PRDM16: variants seen among roughly 807,000 people sequenced by gnomAD.
PRDM16 encodes the protein PR/SET domain 16.
Under a neutral mutation model 110.6 loss-of-function variants are expected in PRDM16, and 23 were observed. That is an observed-to-expected ratio of 0.21 (90% CI 0.15 to 0.29). PRDM16 has a LOEUF of 0.29. Ranked by LOEUF, PRDM16 falls within the 10% of genes least tolerant of loss-of-function variation. The pLI is 1.00. For missense variants in PRDM16, 1,615 were observed against 1,794.3 expected, an observed-to-expected ratio of 0.90 and a Z score of 1.81; for synonymous variants, 799 against 781.8, an observed-to-expected ratio of 1.02 and a Z score of -0.37.
At chr1:3,191,248 CT>C (rs1260978015) in intron 2 of PRDM16, among the ~76,000 whole-genome samples, 4 of 152,240 alleles carry the variant, frequency 2.6e-5, no homozygotes, top group African/African-American at 7.2e-5. Context: ...GACCTCACCC[CT>C]GGCGTTATTT....
intron 3 of PRDM16, among the ~76,000 whole-genome samples, chr1:3,264,059 A>G (rs1234215376): frequency 1.3e-5 from 2 of 152,204 alleles, no homozygotes; most frequent in African/African-American, 2.4e-5. Context: ...CTTAGGGAGC[A>G]TAGGTTTCCA....
In PRDM16 at chr1:3,412,396, C is replaced by G; in HGVS notation, c.2199C>G (p.Phe733Leu). 2 of 1,613,314 alleles carry G rather than the reference C, an allele frequency of 1.2e-6. No individual in the cohort carries two copies. Among genetic ancestry groups the G allele is most frequent in the South Asian group, 2.2e-5 (2 of 91,086 alleles). ...TCCCCTTCCAGTTCCTGCCCAACTT[C>G]CCCCACTCCCTTTACCCCTTCACGG... ...SAFPFQFLPN[F>L]PHSLYPFTDR... Residue 733 changes from phenylalanine (F) to leucine (L), a missense_variant, in exon 9 of 17, where the codon TTC becomes TTG. Transcript: ENST00000270722.
At chr1:3,288,980 G>A (rs941246138) in intron 3 of PRDM16, among the ~76,000 whole-genome samples, 16 of 152,166 alleles carry the variant, frequency 1.1e-4, no homozygotes, top group African/African-American at 2.2e-4. Flanking sequence ...CCATCCTTGC[G>A]TGCTCACCAC....
chr1:3,141,830 TG>T (rs1181711746), intron 1 of PRDM16, among the ~76,000 whole-genome samples: 1 of 152,142 alleles, frequency 6.6e-6, no homozygotes, highest in Non-Finnish European at 1.5e-5. Flanking sequence ...TCAGTTGGGG[TG>T]GGGGCGGCCT....
rs201359782 is a variant in PRDM16 at position 3,092,120 on chromosome 1, A to ATGG, written c.37+22826_37+22827insGTG. 3.2e-3 allele frequency among the ~76,000 whole-genome samples: 337 copies of ATGG among 105,376 alleles called. 2 individuals are homozygous for ATGG. The highest frequency in any genetic ancestry group is 0.019 in the South Asian group (60 of 3,174). 69.1% of individuals were successfully genotyped at this position (105,376 alleles called of 152,430 possible). On this transcript the variant is annotated intron_variant, in intron 1 of 16. Transcript: ENST00000270722. Reference sequence around the variant, plus strand: ...GGCCCCCATGTCACGGCACTGCTGCATGCTTGGTGTTACCTGCTTGTAGAC... The same window carrying ATGG: ...GGCCCCCATGTCACGGCACTGCTGCATGGTGCTTGGTGTTACCTGCTTGTAGAC...
rs114521777 is a variant in PRDM16, at chr1:3,157,479, A to T, written c.38-28646A>T. Among the ~76,000 whole-genome samples the T allele has an allele frequency of 8.5e-3, 1,281 of 151,024 alleles. 9 individuals are homozygous for T. Among genetic ancestry groups the T allele is most frequent in the Non-Finnish European group, 0.015 (1,043 of 67,892 alleles). ...GGGCTGGGGGTTGATTGTCTCTTGA[A>T]AACAGACATGGGCCAGATCCAGTTG... On this transcript the variant is annotated intron_variant, in intron 1 of 16. Coordinates refer to ENST00000270722, the MANE Select transcript of PRDM16 (RefSeq NM_022114.4). This position sits in a 1 kb window ranked among gnomAD's most constrained non-coding sequence, Gnocchi z 4.8.
intron 1 of PRDM16, among the ~76,000 whole-genome samples, chr1:3,129,175 C>G (rs1486231923): frequency 9.3e-6 from 1 of 107,232 alleles, no homozygotes; most frequent in African/African-American, 5.5e-5. Flanking sequence ...GGTGTGGATC[C>G]TGCCTAGTGT....
intron 1 of PRDM16, among the ~76,000 whole-genome samples, chr1:3,132,120 G>T (rs1643347210): frequency 6.6e-6 from 1 of 152,150 alleles, no homozygotes; most frequent in Non-Finnish European, 1.5e-5. Flanking sequence ...CTTTTTAAAG[G>T]TTTAGACGTA....
intron 1 of PRDM16, among the ~76,000 whole-genome samples, chr1:3,183,270 C>A (rs1048878815): frequency 6.6e-6 from 1 of 152,188 alleles, no homozygotes; most frequent in Admixed American, 6.5e-5. Flanking sequence ...CTGACCCTCT[C>A]GGGGGCATCC....
At chr1:3,403,036 TA>T (rs752548722) in intron 6 of PRDM16, 38 bp downstream of exon 6, 2 of 1,184,918 alleles carry the variant, frequency 1.7e-6, no homozygotes, top group South Asian at 1.6e-5. Flanking sequence ...CCCCTTCCCG[TA>T]CCCTCCTCTG....
chr1:3,207,529 C>T (rs1638781321), intron 2 of PRDM16: 1 of 152,258 alleles, frequency 6.6e-6, no homozygotes, highest in Non-Finnish European at 1.5e-5. Flanking sequence ...GGTCCCTTTG[C>T]CCAGTTCTCT....
chr1:3,194,312 C>G (rs1417322488), intron 2 of PRDM16, among the ~76,000 whole-genome samples: 2 of 152,342 alleles, frequency 1.3e-5, no homozygotes, highest in South Asian at 4.1e-4. Context: ...GCGCTTCCTT[C>G]TGTCTCTCCC....
In PRDM16 at chr1:3,431,984, A is replaced by T; in HGVS notation, c.3540A>T (p.Glu1180Asp). ...GGTGCAGGTGTGCTGAGGACCACGA[A>T]GGCGGTCTGTTAGCTTTGGAGCCGA... ...DHTRRCAEDH[E>D]GGLLALEPMP... Residue 1180 changes from glutamate to aspartate, a missense_variant, in exon 16 of 17, where the codon GAA (glutamate) becomes GAT (aspartate). By Grantham distance (45) the Glu-to-Asp change is conservative. Transcript: ENST00000270722. 1 of 1,613,598 alleles carries T rather than the reference A, an allele frequency of 6.2e-7. No individual in the cohort carries two copies. The highest frequency in any genetic ancestry group is 1.1e-5 in the South Asian group (1 of 91,058).
intron 1 of PRDM16, among the ~76,000 whole-genome samples, chr1:3,096,349 C>A (rs552230305): frequency 6.6e-6 from 1 of 152,160 alleles, no homozygotes; most frequent in Admixed American, 6.5e-5. Flanking sequence ...GTCTCCTGCC[C>A]GCAGGACCCC....
intron 8 of PRDM16, among the ~76,000 whole-genome samples, chr1:3,410,809 G>A (rs910061490): frequency 6.6e-6 from 1 of 152,308 alleles, no homozygotes; most frequent in South Asian, 2.1e-4. Context: ...CTGATGGAGT[G>A]GCAGACACCA....
rs1033068423 is a variant in PRDM16 at position 3,290,836 on chromosome 1, G to A, written c.438+46699G>A. 5.9e-5 allele frequency among the ~76,000 whole-genome samples: 9 copies of A among 151,972 alleles called. No individual in the cohort carries two copies. The highest frequency in any genetic ancestry group is 2.1e-4 in the South Asian group (1 of 4,822). Reference sequence around the variant, plus strand: ...GAGCTGAACTTGGCCACATAATGCCGCTCTGTTTGGGAAGGGCCCGGAGCA... The same window carrying A: ...GAGCTGAACTTGGCCACATAATGCCACTCTGTTTGGGAAGGGCCCGGAGCA... On this transcript the variant is annotated intron_variant, in intron 3 of 16. Coordinates refer to ENST00000270722, the MANE Select transcript of PRDM16 (RefSeq NM_022114.4). The surrounding 1 kb of genome is among the most constrained non-coding windows in gnomAD (Gnocchi z 4.8).
chr1:3,194,394 G>GTT (rs1638401303), intron 2 of PRDM16, among the ~76,000 whole-genome samples: 1 of 152,150 alleles, frequency 6.6e-6, no homozygotes, highest in South Asian at 2.1e-4. Context: ...GGCAGCCGGC[G>GTT]CTCATTGGCT....
At chr1:3,241,796 A>G (rs952022208) in intron 2 of PRDM16, among the ~76,000 whole-genome samples, 5 of 152,194 alleles carry the variant, frequency 3.3e-5, no homozygotes, top group Non-Finnish European at 7.4e-5. Context: ...GCAGCTGGCC[A>G]CAGCAGGAAC....
chr1:3,404,947 C>A, intron 7 of PRDM16, 61 bp downstream of exon 7: 1 of 1,556,898 alleles, frequency 6.4e-7, no homozygotes, highest in Non-Finnish European at 8.7e-7. Flanking sequence ...GACGGGCGCC[C>A]GCCCCCGTGC....
Sources: allele counts gnomAD v4.1 joint callset (sites outside exome capture counted in the v4.1 genomes callset), GRCh38; gene constraint gnomAD v4.1.1; non-coding constraint Gnocchi (gnomAD v3.1); transcripts MANE v1.5; gene names NCBI Gene and HGNC (gene_info 2026-07-23, HGNC 2026-07-21).